PTPRZ1: variants seen among roughly 807,000 people sequenced by gnomAD.
The protein encoded by PTPRZ1 is protein tyrosine phosphatase receptor type Z1.
A neutral mutation model predicts 214.1 loss-of-function variants in PTPRZ1; 82 were observed. That is an observed-to-expected ratio of 0.38 (90% CI 0.32 to 0.46). The LOEUF (loss-of-function observed/expected upper bound fraction) is 0.46. PTPRZ1 is among the 20% of genes least tolerant of loss of function. PTPRZ1 has a pLI of 1.00. For synonymous variants in PTPRZ1, 945 were observed against 987.9 expected (o/e 0.96, Z 0.81); for missense variants, 2,603 against 2,748.7 (o/e 0.95, Z 1.19).
At chr7:121,957,556 C>T (rs761574069) in intron 2 of PTPRZ1, among the ~76,000 whole-genome samples, 2 of 152,214 alleles carry the variant, frequency 1.3e-5, no homozygotes, top group Non-Finnish European at 2.9e-5. Context: ...TATTCTCACA[C>T]CTGCTCCTCC....
chr7:122,056,089 A>G (rs565397994), intron 27 of PTPRZ1, among the ~76,000 whole-genome samples: 2 of 152,010 alleles, frequency 1.3e-5, no homozygotes, highest in African/African-American at 4.8e-5. Flanking sequence ...TTAATGTTCC[A>G]TGCTAATTTC....
rs373863795 is a variant in PTPRZ1, at chr7:122,051,976, G to A, written c.6252+37G>A. On this transcript the variant is annotated intron_variant, in intron 25 of 29. Transcript: ENST00000393386. ...AAGTCACTGAGGAGACTGCCAGCTT[G>A]TGTTACAGGGATCAAAACCAGAATG... 17 of 1,525,294 alleles carry A rather than the reference G, an allele frequency of 1.1e-5. No individual in the cohort carries two copies. The East Asian group carries it at 2.3e-4, about 21-fold the overall frequency. The allele number at this position is 1,525,294 out of a possible 1,614,324, so 94.5% of individuals were successfully genotyped here.
chr7:121,996,459 C>A lies in PTPRZ1; in HGVS notation c.1006C>A (p.Arg336=), dbSNP rs1355236732. 2 of 1,613,390 alleles carry A rather than the reference C, an allele frequency of 1.2e-6. No homozygotes were observed. Among genetic ancestry groups the A allele is most frequent in the African/African-American group, 2.7e-5 (2 of 74,876 alleles). ...TSLLVTWERP[R]VVYDTMIEKF... ...CCTTCTTGTTACATGGGAAAGACCT[C>A]GAGTCGTTTATGATACCATGATTGA... Residue 336 remains arginine (R), a synonymous_variant, in exon 9 of 30, where the codon CGA becomes AGA. Coordinates refer to ENST00000393386, the MANE Select transcript of PTPRZ1 (RefSeq NM_002851.3).
intron 8 of PTPRZ1, among the ~76,000 whole-genome samples, chr7:121,994,960 A>G (rs1305809680): frequency 6.6e-6 from 1 of 152,190 alleles, no homozygotes; most frequent in African/African-American, 2.4e-5. Context: ...ATATAAAGCT[A>G]TACATGTATT....
At chr7:121,959,231 G>C (rs1796803902) in intron 2 of PTPRZ1, among the ~76,000 whole-genome samples, 1 of 152,152 alleles carries the variant, frequency 6.6e-6, no homozygotes, top group South Asian at 2.1e-4. Context: ...CCTGCCAATA[G>C]CATATATCAG....
intron 2 of PTPRZ1, among the ~76,000 whole-genome samples, chr7:121,939,745 T>A (rs1206898392): frequency 6.6e-6 from 1 of 152,210 alleles, no homozygotes; most frequent in African/African-American, 2.4e-5. Flanking sequence ...GACACTGTAC[T>A]AGGCATCAGA....
intron 2 of PTPRZ1, among the ~76,000 whole-genome samples, chr7:121,943,800 TTCCTGATACTGCAGA>T (rs1401199051): frequency 6.6e-6 from 1 of 152,204 alleles, no homozygotes; most frequent in African/African-American, 2.4e-5. Context: ...TTCTCAGGTG[TTCCTGATACTGCAGA>T]TCTGAGGAGC....
rs186400863 is a variant in PTPRZ1, at chr7:122,038,010, C to T, written c.5368-745C>T. On this transcript the variant is annotated intron_variant, in intron 18 of 29. Transcript: ENST00000393386. ...AAACTTACAGTCATGGTGAAAGGCA[C>T]CTCTTCACAGAATGGCAGGAGAGAG... is the stretch of plus-strand genomic sequence containing the variant. 2.8e-3 allele frequency among the ~76,000 whole-genome samples: 420 copies of T among 152,236 alleles called. 3 individuals are homozygous for T. Among genetic ancestry groups the T allele is most frequent in the African/African-American group, 9.6e-3 (400 of 41,548 alleles).
At chr7:121,982,088 G>C (rs1283034318) in intron 6 of PTPRZ1, among the ~76,000 whole-genome samples, 1 of 152,078 alleles carries the variant, frequency 6.6e-6, no homozygotes, top group Non-Finnish European at 1.5e-5. Flanking sequence ...GTGAAGTAGG[G>C]AATCAAGATT....
intron 1 of PTPRZ1, among the ~76,000 whole-genome samples, chr7:121,898,685 T>G (rs570930797): frequency 2.6e-4 from 40 of 152,336 alleles, no homozygotes; most frequent in Middle Eastern, 3.4e-3. Flanking sequence ...TACTGAATGC[T>G]TTGCTTGCTA....
At chr7:121,882,461 T>A (rs1188789332) in intron 1 of PTPRZ1, among the ~76,000 whole-genome samples, 5 of 152,138 alleles carry the variant, frequency 3.3e-5, no homozygotes, top group African/African-American at 1.2e-4. Context: ...GGATTAAGGT[T>A]GGCATGCAGA....
At chr7:122,013,941 A>T in intron 12 of PTPRZ1, 52 bp downstream of exon 12, 1 of 1,400,554 alleles carries the variant, frequency 7.1e-7, no homozygotes, top group East Asian at 2.4e-5. Context: ...TGCTTGCTCT[A>T]AAAGTAAAAT....
Position 121,984,308 on chromosome 7 carries a change from T to C in PTPRZ1, c.928+191T>C, listed in dbSNP as rs1178263541. Among the ~76,000 whole-genome samples the C allele has an allele frequency of 2.6e-5, 4 of 152,168 alleles. No homozygotes were observed. In the East Asian group the frequency reaches 7.7e-4, roughly 29 times the overall value. ...ATCTATAAAATGGCAACTAAAAAAA[T>C]CTATTCTTCCCATAAGAATAACCCC... On this transcript the variant is annotated intron_variant, in intron 8 of 29. Transcript: ENST00000393386.
chr7:121,876,907 T>A (rs1247359604), intron 1 of PTPRZ1, among the ~76,000 whole-genome samples: 1 of 152,134 alleles, frequency 6.6e-6, no homozygotes, highest in Non-Finnish European at 1.5e-5. Flanking sequence ...ATAAGCTGCG[T>A]TTTCTCATTC....
intron 1 of PTPRZ1, among the ~76,000 whole-genome samples, chr7:121,888,542 C>T (rs1295448717): frequency 6.6e-6 from 1 of 152,042 alleles, no homozygotes; most frequent in African/African-American, 2.4e-5. Flanking sequence ...ACACTTATCC[C>T]TGTCAGAATT....
At position 121,965,326 on chromosome 7, in the gene PTPRZ1, A is replaced by G. The variant is rs1188105690; in HGVS notation, c.125-2625A>G. On this transcript the variant is annotated intron_variant, in intron 2 of 29. Coordinates refer to ENST00000393386, the MANE Select transcript of PTPRZ1 (RefSeq NM_002851.3). ...GAATTCACTTCCTGGAAGTTGTAGG[A>G]CTAAAGTCCCTGATTTTTGTTGTTG... Among the ~76,000 whole-genome samples the G allele has an allele frequency of 1.3e-5, 2 of 151,754 alleles. 1 individual carries two copies. The highest frequency in any genetic ancestry group is 4.2e-4 in the South Asian group (2 of 4,790).
At chr7:122,038,988 A>C in intron 19 of PTPRZ1, 99 bp downstream of exon 19, 1 of 1,306,776 alleles carries the variant, frequency 7.7e-7, no homozygotes, top group Non-Finnish European at 1.1e-6. Flanking sequence ...CAAAGTTTTG[A>C]GAGTTATTTG....
At position 122,011,835 on chromosome 7, in the gene PTPRZ1, T is replaced by C; in HGVS notation, c.2789T>C (p.Leu930Ser). 1.9e-6 allele frequency: 3 copies of C among 1,613,894 alleles called. No individual in the cohort carries two copies. Among genetic ancestry groups the C allele is most frequent in the Non-Finnish European group, 2.5e-6 (3 of 1,179,758 alleles). The change falls in exon 12 of 30, where the codon TTG becomes TCG. Residue 930 changes from leucine (L) to serine (S), a missense_variant. Leu to Ser is a moderately radical substitution (Grantham distance 145). Coordinates refer to ENST00000393386, the MANE Select transcript of PTPRZ1 (RefSeq NM_002851.3). ...RSSGPEPSYA[L>S]SDNEGSQHIF... ...TCAGGGCCTGAACCTTCTTATGCCT[T>C]GTCTGATAATGAGGGCTCCCAACAC...
intron 3 of PTPRZ1, 29 bp from the exon 4 acceptor site, chr7:121,972,512 C>A: frequency 6.4e-7 from 1 of 1,559,216 alleles, no homozygotes; most frequent in Non-Finnish European, 8.7e-7. Flanking sequence ...TTTTCAGAAG[C>A]TTAGGTGCAA....
Sources: gnomAD v4.1 joint callset for allele counts (sites outside exome capture counted in the v4.1 genomes callset) on GRCh38, gnomAD v4.1.1 for gene constraint, MANE v1.5 for transcripts, NCBI Gene and HGNC (gene_info 2026-07-23, HGNC 2026-07-21) for gene names.